The following CFAP54 variants were observed in gnomAD, a reference collection of about 807,000 sequenced individuals.
CFAP54 encodes cilia and flagella associated protein 54.
In CFAP54, 290 loss-of-function variants were observed where a neutral mutation model predicts 370.4. The observed-to-expected ratio is 0.78, with a 90% CI of 0.71 to 0.86. The LOEUF is 0.86. Among genes scored for constraint, CFAP54 ranks in the 40% least tolerant of loss-of-function variants. The pLI, the probability that CFAP54 is intolerant of heterozygous loss-of-function variation, is 0.00. For synonymous variants in CFAP54, 1,206 were observed against 1,236.5 expected, an observed-to-expected ratio of 0.98 and a Z score of 0.52; for missense variants, 3,399 against 3,528.7, an observed-to-expected ratio of 0.96 and a Z score of 0.93.
intron 32 of CFAP54, among the ~76,000 whole-genome samples, chr12:96,637,315 G>A (rs1351871445): frequency 6.6e-6 from 1 of 152,106 alleles, no homozygotes; most frequent in African/African-American, 2.4e-5. Flanking sequence ...TTTTGGATCA[G>A]TTGATCCACT....
intron 32 of CFAP54, among the ~76,000 whole-genome samples, chr12:96,631,022 CATT>C (rs1416353422): frequency 2.0e-5 from 3 of 151,774 alleles, no homozygotes; most frequent in African/African-American, 4.8e-5. Context: ...TTTAAGTACA[CATT>C]ATAAGTACAC....
chr12:96,515,548 A>G (rs975727654), intron 5 of CFAP54, among the ~76,000 whole-genome samples: 4 of 152,174 alleles, frequency 2.6e-5, no homozygotes, highest in African/African-American at 7.2e-5. Flanking sequence ...AATGGAGACA[A>G]GTCTTTGGAG....
intron 39 of CFAP54, among the ~76,000 whole-genome samples, chr12:96,664,752 T>G (rs1315009687): frequency 1.6e-4 from 4 of 25,466 alleles, no homozygotes; most frequent in African/African-American, 8.0e-4. Context: ...TATATATATA[T>G]ATCTATATAT....
chr12:96,836,586 G>T (rs553942197), intron 66 of CFAP54, among the ~76,000 whole-genome samples: 1 of 152,274 alleles, frequency 6.6e-6, no homozygotes, highest in African/African-American at 2.4e-5. Flanking sequence ...AATAAAAAAT[G>T]CCTCTCCTTT....
intron 63 of CFAP54, among the ~76,000 whole-genome samples, chr12:96,805,767 AT>A (rs1440350501): frequency 1.3e-5 from 2 of 152,146 alleles, no homozygotes; most frequent in African/African-American, 4.8e-5. Context: ...ATAAATTATT[AT>A]GTCAAAAAGA....
intron 36 of CFAP54, among the ~76,000 whole-genome samples, chr12:96,655,824 C>G (rs12306641): frequency 4.6e-5 from 7 of 151,952 alleles, no homozygotes. Flanking sequence ...TGTAAACACT[C>G]TTCAGTATAA....
chr12:96,663,937 G>C lies in CFAP54; in HGVS notation c.5563+5G>C, dbSNP rs762707970. ...TAAAAATGCTTATCTCTTCAGGTCA[G>C]AACCAATCTTAGCTTGAATGTTTGT... On this transcript the variant is annotated splice_donor_5th_base_variant and intron_variant, in intron 39 of 67. Transcript: ENST00000524981. The C allele has an allele frequency of 6.3e-6, 10 of 1,598,534 alleles. 1 individual carries two copies. In the South Asian group the frequency reaches 1.0e-4, roughly 16 times the overall value.
intron 36 of CFAP54, among the ~76,000 whole-genome samples, chr12:96,655,367 C>T (rs1046260218): frequency 1.3e-5 from 2 of 149,982 alleles, no homozygotes; most frequent in Non-Finnish European, 3.0e-5. Flanking sequence ...TTGAGGATGA[C>T]CAAATAGTTG....
intron 65 of CFAP54, among the ~76,000 whole-genome samples, chr12:96,826,461 CT>C (rs1218967398): frequency 1.8e-4 from 21 of 113,700 alleles, no homozygotes; most frequent in African/African-American, 3.1e-4. Flanking sequence ...ATGTTATTTA[CT>C]ATATATTATA....
At chr12:96,512,898 GA>G (rs1955188903) in intron 4 of CFAP54, 87 bp from the exon 5 acceptor site, 6 of 727,526 alleles carry the variant, frequency 8.2e-6, no homozygotes, top group South Asian at 4.7e-5. Context: ...CTTGTTTTGG[GA>G]ACTACAGACT....
intron 66 of CFAP54, among the ~76,000 whole-genome samples, chr12:96,835,829 A>G (rs899557116): frequency 1.3e-5 from 2 of 152,122 alleles, no homozygotes; most frequent in Admixed American, 6.5e-5. Context: ...CACTAGCTCC[A>G]TGGAGTGTGC....
chr12:96,777,898 T>G (rs1036511180), intron 60 of CFAP54, among the ~76,000 whole-genome samples: 8 of 152,192 alleles, frequency 5.3e-5, no homozygotes, highest in African/African-American at 1.7e-4. Flanking sequence ...TAGGAAGAGA[T>G]CTTTGAATAG....
Position 96,708,894 on chromosome 12 carries a change from A to G in CFAP54, c.6724+91A>G, listed in dbSNP as rs905127399. ...CACTAATCTATATAAATGATACAGT[A>G]TATATTCTTCCACAGTTTTCTCTAT... is the stretch of plus-strand genomic sequence containing the variant. On this transcript the variant is annotated intron_variant, in intron 48 of 67. Transcript: ENST00000524981. The G allele has an allele frequency of 6.7e-5, 69 of 1,035,952 alleles. No homozygotes were observed. The African/African-American group carries it at 8.7e-4, about 13-fold the overall frequency. The allele number at this position is 1,035,952 out of a possible 1,614,324, so 64.2% of individuals were successfully genotyped here.
chr12:96,597,117 A>G (rs1218020361), intron 25 of CFAP54, among the ~76,000 whole-genome samples: 1 of 152,118 alleles, frequency 6.6e-6, no homozygotes, highest in Non-Finnish European at 1.5e-5. Context: ...AATTTTAAGC[A>G]AGATTAAAAA....
In CFAP54 at chr12:96,489,888, C is replaced by T; in HGVS notation, c.279C>T (p.Ala93=). The change falls in exon 1 of 68, where the codon GCC becomes GCT. Residue 93 remains alanine, a synonymous_variant. Transcript: ENST00000524981. ...TTATGAGGAAAAAGAAGGCTTTAGC[C>T]ACCACGGAGGAAGAGAAGCACGAAT... ...LGFMRKKKAL[A]TTEEEKHEFR... 1 of 1,534,718 alleles carries T rather than the reference C, an allele frequency of 6.5e-7. No individual in the cohort carries two copies. Among genetic ancestry groups the T allele is most frequent in the Non-Finnish European group, 8.7e-7 (1 of 1,145,828 alleles).
chr12:96,664,023 T>A, intron 39 of CFAP54, 91 bp downstream of exon 39: 1 of 942,770 alleles, frequency 1.1e-6, no homozygotes. Flanking sequence ...AATTAGTATG[T>A]TTGTAAAAAT....
chr12:96,489,930 A>G lies in CFAP54; in HGVS notation c.317+4A>G, dbSNP rs1187943306. 1 of 1,530,028 alleles carries G rather than the reference A, an allele frequency of 6.5e-7. No homozygotes were observed. The highest frequency in any genetic ancestry group is 8.7e-7 in the Non-Finnish European group (1 of 1,142,902). 94.8% of individuals were successfully genotyped at this position (1,530,028 alleles called of 1,614,324 possible). A position where few individuals can be genotyped will look rare whatever the true frequency, so the allele number is the denominator to read the frequency against. ...AGCACGAATTCCGCCGGCGTTGGTAAGCGCTGGCGGGGCACTGGGGAGGGC... is the reference window on the plus strand; with the variant it reads ...AGCACGAATTCCGCCGGCGTTGGTAGGCGCTGGCGGGGCACTGGGGAGGGC... On this transcript the variant is annotated splice_donor_region_variant and intron_variant, in intron 1 of 67. Coordinates refer to ENST00000524981, the MANE Select transcript of CFAP54 (RefSeq NM_001306084.2).
chr12:96,616,396 A>G (rs908066236), intron 26 of CFAP54, among the ~76,000 whole-genome samples: 1 of 152,170 alleles, frequency 6.6e-6, no homozygotes, highest in Non-Finnish European at 1.5e-5. Context: ...TAGCATTAGG[A>G]GATATATCTA....
intron 48 of CFAP54, among the ~76,000 whole-genome samples, chr12:96,709,149 C>T (rs548030160): frequency 5.9e-5 from 9 of 152,222 alleles, no homozygotes; most frequent in Non-Finnish European, 1.0e-4. Context: ...AAGTCTACTG[C>T]TTTGCTTTGG....
Sources: gnomAD v4.1 joint callset for allele counts (sites outside exome capture counted in the v4.1 genomes callset) on GRCh38, gnomAD v4.1.1 for gene constraint, MANE v1.5 for transcripts, NCBI Gene and HGNC (gene_info 2026-07-23, HGNC 2026-07-21) for gene names.